Variants in CAMTA2 observed in about 807,000 individuals in gnomAD.
CAMTA2 encodes calmodulin binding transcription activator 2.
CAMTA2 carries 56 observed loss-of-function variants against 135.7 expected under a neutral mutation model. The observed-to-expected ratio is 0.41, with a 90% CI of 0.33 to 0.52. The LOEUF (loss-of-function observed/expected upper bound fraction) is 0.52. Among genes scored for constraint, CAMTA2 ranks in the 20% least tolerant of loss-of-function variants. The pLI is 0.16. For synonymous variants in CAMTA2, 591 were observed against 604.6 expected, an observed-to-expected ratio of 0.98 and a Z score of 0.33; for missense variants, 1,358 against 1,553.4, an observed-to-expected ratio of 0.87 and a Z score of 2.11.
At chr17:4,979,563 G>T in intron 9 of CAMTA2, 121 bp downstream of exon 9, 1 of 564,840 alleles carries the variant, frequency 1.8e-6, no homozygotes, top group Non-Finnish European at 3.1e-6. Flanking sequence ...AGAAGCCTAA[G>T]AAGCCATGAA....
chr17:4,974,065 C>T, intron 12 of CAMTA2: 1 of 535,060 alleles, frequency 1.9e-6, no homozygotes, highest in Non-Finnish European at 3.3e-6. Flanking sequence ...TTCTCTGAGC[C>T]TTAGCCCTCT....
chr17:4,971,689 GTCT>G (rs1176293284), intron 16 of CAMTA2, among the ~76,000 whole-genome samples: 1 of 114,902 alleles, frequency 8.7e-6, no homozygotes, highest in Non-Finnish European at 1.7e-5. Context: ...TTACTATTTT[GTCT>G]TTTTTTTTTT....
intron 1 of CAMTA2, chr17:4,986,870 C>T: frequency 8.7e-7 from 1 of 1,151,804 alleles, no homozygotes; most frequent in Non-Finnish European, 1.3e-6. Flanking sequence ...CTCAGGACAA[C>T]CCACCCTCCG....
In CAMTA2 at chr17:4,973,714, A is replaced by G. The variant is rs771795377; in HGVS notation, c.2072T>C (p.Met691Thr). Residue 691 changes from methionine to threonine, a missense_variant, in exon 13 of 23, where the codon ATG (methionine) becomes ACG (threonine). Transcript: ENST00000348066. ...EARVVVLVESMIPRSTWKGPE... is the reference protein window; with the variant it reads ...EARVVVLVESTIPRSTWKGPE... ...ACCCTTCCAGGTGGAGCGTGGGATC[A>G]TGCTTTCTACCAAGACCACTACCCG... 4 of 1,613,968 alleles carry G rather than the reference A, an allele frequency of 2.5e-6. No individual in the cohort carries two copies. Among genetic ancestry groups the G allele is most frequent in the African/African-American group, 1.3e-5 (1 of 74,928 alleles).
rs533082203 is a variant in CAMTA2 at position 4,968,107 on chromosome 17, G to A, written c.*649C>T. On this transcript the variant is annotated 3_prime_UTR_variant, in exon 23 of 23. Transcript: ENST00000348066. Reference sequence around the variant, plus strand: ...GCCGCGCTAGAGAACCACAAGCCCGGCCGTGCAGCCCTCCCCGCGGCGCCT... The same window carrying A: ...GCCGCGCTAGAGAACCACAAGCCCGACCGTGCAGCCCTCCCCGCGGCGCCT... 8.5e-6 allele frequency: 4 copies of A among 473,230 alleles called. No individual in the cohort carries two copies. Among genetic ancestry groups the A allele is most frequent in the South Asian group, 2.5e-5 (1 of 39,554 alleles). 29.3% of individuals were successfully genotyped at this position (473,230 alleles called of 1,614,324 possible).
Position 4,968,227 on chromosome 17 carries a change from C to CA in CAMTA2, c.*528dup. 1 of 260,138 alleles carries CA rather than the reference C, an allele frequency of 3.8e-6. No individual in the cohort carries two copies. The highest frequency in any genetic ancestry group is 7.5e-6 in the Non-Finnish European group (1 of 133,198). 16.1% of individuals were successfully genotyped at this position (260,138 alleles called of 1,614,324 possible). ...GGACTCCGCAACGCGTTCCTATGTACACCACCTCCCCTTCGGCCCTGAGGT... is the reference window on the plus strand; with the variant it reads ...GGACTCCGCAACGCGTTCCTATGTACAACCACCTCCCCTTCGGCCCTGAGGT... On this transcript the variant is annotated 3_prime_UTR_variant, in exon 23 of 23. Coordinates refer to ENST00000348066, the MANE Select transcript of CAMTA2 (RefSeq NM_015099.4).
At position 4,970,445 on chromosome 17, in the gene CAMTA2, G is replaced by A; in HGVS notation, c.2900C>T (p.Ala967Val). ...AGCCCCTGTCCGCTCCCGCATTGAG[G>A]CTCCAGCCTCGGGCAGCCCCACGAA... The part of the protein sequence containing the change: ...EDFVGLPEAG[A>V]SMRERTGAVG... The change falls in exon 17 of 23, where the codon GCC becomes GTC. Residue 967 changes from alanine (A) to valine (V), a missense_variant. Coordinates refer to ENST00000348066, the MANE Select transcript of CAMTA2 (RefSeq NM_015099.4). 1 of 1,614,068 alleles carries A rather than the reference G, an allele frequency of 6.2e-7. No homozygotes were observed. Among genetic ancestry groups the A allele is most frequent in the Non-Finnish European group, 8.5e-7 (1 of 1,179,984 alleles).
At chr17:4,970,732 G>A (rs1972232036) in intron 16 of CAMTA2, among the ~76,000 whole-genome samples, 196 bp from the exon 17 acceptor site, 1 of 152,212 alleles carries the variant, frequency 6.6e-6, no homozygotes, top group African/African-American at 2.4e-5. Flanking sequence ...ATGCTATGGA[G>A]AATATAGGAT....
rs1187777777 is a variant in CAMTA2 at position 4,977,130 on chromosome 17, C to A, written c.1828G>T (p.Val610Leu). The A allele has an allele frequency of 1.2e-6, 2 of 1,614,016 alleles. No individual in the cohort carries two copies. Among genetic ancestry groups the A allele is most frequent in the Non-Finnish European group, 1.7e-6 (2 of 1,180,020 alleles). Residue 610 changes from valine to leucine, a missense_variant, in exon 11 of 23, where the codon GTG (valine) becomes TTG (leucine). Transcript: ENST00000348066. Reference sequence around the variant, plus strand: ...CGGCGGGCTCGATACTCAAAGAGCACAGAAGCAGAAAGGGGCCCCTCCCGC... The same window carrying A: ...CGGCGGGCTCGATACTCAAAGAGCAAAGAAGCAGAAAGGGGCCCCTCCCGC... ...AGREGPLSAS[V>L]LFEYRARRFL...
At chr17:4,987,419 G>A (rs943047090) in intron 1 of CAMTA2, 174 bp downstream of exon 1, 5 of 1,376,892 alleles carry the variant, frequency 3.6e-6, no homozygotes, top group Non-Finnish European at 4.7e-6. Context: ...TCCGCCGTGG[G>A]GCCCTGCGGT....
chr17:4,976,758 T>C (rs1972640503), intron 11 of CAMTA2, among the ~76,000 whole-genome samples: 1 of 152,100 alleles, frequency 6.6e-6, no homozygotes, highest in South Asian at 2.1e-4. Context: ...ATAGCACCTA[T>C]ATATTGCTCT....
At chr17:4,982,277 C>T (rs764699713) in intron 5 of CAMTA2, 117 bp from the exon 6 acceptor site, 3 of 749,530 alleles carry the variant, frequency 4.0e-6, no homozygotes, top group South Asian at 1.6e-5. Flanking sequence ...ACCCTTCCCC[C>T]ACCCTCGCCC....
intron 17 of CAMTA2, 75 bp from the exon 18 acceptor site, chr17:4,970,160 G>A: frequency 6.7e-7 from 1 of 1,495,392 alleles, no homozygotes. Flanking sequence ...TGGCTACGAA[G>A]GAAAACCACC....
rs190965592 is a variant in CAMTA2 at position 4,976,658 on chromosome 17, G to A, written c.1900+400C>T. ...GGAGGTTGCAGTGACCTGAGATCGC[G>A]CCACTGCAGTTCAGCCTGGGAGACA... On this transcript the variant is annotated intron_variant, in intron 11 of 22. Transcript: ENST00000348066. 1.5e-4 allele frequency among the ~76,000 whole-genome samples: 23 copies of A among 152,280 alleles called. No individual in the cohort carries two copies. The East Asian group carries it at 3.7e-3, about 24-fold the overall frequency.
chr17:4,972,044 G>A (rs1398785809), intron 16 of CAMTA2, among the ~76,000 whole-genome samples, 188 bp downstream of exon 16: 2 of 152,004 alleles, frequency 1.3e-5, no homozygotes. Context: ...TTCAACCTCC[G>A]CTGCCTCATG....
Position 4,978,585 on chromosome 17 carries a change from C to T in CAMTA2, c.1684G>A (p.Glu562Lys), listed in dbSNP as rs373482165. 11 of 1,614,156 alleles carry T rather than the reference C, an allele frequency of 6.8e-6. No individual in the cohort carries two copies. The highest frequency in any genetic ancestry group is 5.5e-5 in the South Asian group (5 of 91,084). The change falls in exon 10 of 23, where the codon GAG (glutamate) becomes AAG (lysine). Residue 562 changes from glutamate (E) to lysine (K), a missense_variant. Glu to Lys is a moderately conservative substitution (Grantham distance 56). Transcript: ENST00000348066. ...LITGPWTEAAEHYSCVFDHIA... is the reference protein window; with the variant it reads ...LITGPWTEAAKHYSCVFDHIA... ...TGATCAAAGACACAGGAGTAATGCT[C>T]GGCGGCTTCGGTCCAAGGACCTGTG...
intron 5 of CAMTA2, 150 bp downstream of exon 5, chr17:4,982,607 T>C: frequency 1.2e-6 from 1 of 846,162 alleles, no homozygotes; most frequent in Admixed American, 2.7e-5. Flanking sequence ...GCCAAAGCAA[T>C]GTCAGCCGAC....
In CAMTA2 at chr17:4,968,679, C is replaced by A; in HGVS notation, c.*77G>T. 6.5e-7 allele frequency: 1 copy of A among 1,542,472 alleles called. No individual in the cohort carries two copies. Among genetic ancestry groups the A allele is most frequent in the Non-Finnish European group, 8.9e-7 (1 of 1,121,036 alleles). On this transcript the variant is annotated 3_prime_UTR_variant, in exon 23 of 23. Transcript: ENST00000348066. ...ACAGGAAAGCTGCCGACAGGGGCTC[C>A]CCCTGCCCCAGAAAGCCCTCTCCCT...
chr17:4,969,351 G>C lies in CAMTA2; in HGVS notation c.3283-14C>G. ...ATAGAGTGCAAACTGCAGGGGTGGGGAGGAGGGACAGGGGCTGAAATAGAG... is the reference window on the plus strand; with the variant it reads ...ATAGAGTGCAAACTGCAGGGGTGGGCAGGAGGGACAGGGGCTGAAATAGAG... On this transcript the variant is annotated splice_polypyrimidine_tract_variant and intron_variant, in intron 20 of 22. Coordinates refer to ENST00000348066, the MANE Select transcript of CAMTA2 (RefSeq NM_015099.4). The surrounding 1 kb of genome is among the most constrained non-coding windows in gnomAD (Gnocchi z 5.6). 1 of 1,613,380 alleles carries C rather than the reference G, an allele frequency of 6.2e-7. No individual in the cohort carries two copies. The highest frequency in any genetic ancestry group is 8.5e-7 in the Non-Finnish European group (1 of 1,179,412).
Sources: allele counts gnomAD v4.1 joint callset (sites outside exome capture counted in the v4.1 genomes callset), GRCh38; gene constraint gnomAD v4.1.1; non-coding constraint Gnocchi (gnomAD v3.1); transcripts MANE v1.5; gene names NCBI Gene and HGNC (gene_info 2026-07-23, HGNC 2026-07-21).